Variants in SLC30A5 observed in about 807,000 individuals in gnomAD.
SLC30A5 encodes solute carrier family 30 member 5.
In SLC30A5, 33 loss-of-function variants were observed where a neutral mutation model predicts 79.6. That is an observed-to-expected ratio of 0.41 (90% CI 0.31 to 0.55). SLC30A5 has a LOEUF of 0.55. Among genes scored for constraint, SLC30A5 ranks in the 20% least tolerant of loss-of-function variants. The pLI is 0.20. For missense variants in SLC30A5, 788 were observed against 928.1 expected (o/e 0.85, Z 1.96); for synonymous variants, 299 against 319.7 (o/e 0.94, Z 0.69).
At chr5:69,123,591 G>A (rs1435690418) in intron 14 of SLC30A5, 166 bp downstream of exon 14, 5 of 591,324 alleles carry the variant, frequency 8.5e-6, no homozygotes, top group Admixed American at 6.0e-5. Flanking sequence ...CAAGAAATAT[G>A]CAAGATATAA....
chr5:69,104,294 C>A, intron 3 of SLC30A5: 2 of 495,750 alleles, frequency 4.0e-6, no homozygotes, highest in Admixed American at 4.6e-5. Flanking sequence ...CCCACCACCA[C>A]ACCCAGCTCA....
At chr5:69,095,063 G>A (rs1745682941) in intron 1 of SLC30A5, among the ~76,000 whole-genome samples, 1 of 152,114 alleles carries the variant, frequency 6.6e-6, no homozygotes. Flanking sequence ...CTGCAATTTG[G>A]CTGGAACTGG....
intron 5 of SLC30A5, among the ~76,000 whole-genome samples, chr5:69,110,291 T>C (rs149481182): frequency 7.9e-5 from 12 of 152,304 alleles, no homozygotes; most frequent in Admixed American, 3.9e-4. Flanking sequence ...ACACTTCCTG[T>C]GCATGGTGCA....
intron 5 of SLC30A5, among the ~76,000 whole-genome samples, chr5:69,110,126 C>T (rs352636): frequency 0.67 from 102,317 of 152,050 alleles, 34,950 homozygotes; most frequent in East Asian, 0.86. Context: ...CTCCTCTACA[C>T]TCCCTTGTAT....
At chr5:69,108,960 T>G (rs1025882263) in intron 5 of SLC30A5, among the ~76,000 whole-genome samples, 12 of 152,178 alleles carry the variant, frequency 7.9e-5, no homozygotes, top group Non-Finnish European at 1.5e-5. Flanking sequence ...TTGGAGAAAT[T>G]TCTTAACATG....
intron 3 of SLC30A5, chr5:69,103,898 A>G (rs544237116): frequency 1.8e-5 from 23 of 1,258,252 alleles, no homozygotes; most frequent in Non-Finnish European, 2.4e-5. Context: ...TCAGAGACCA[A>G]GAACATTTTT....
chr5:69,129,461 T>C lies in SLC30A5; in HGVS notation c.2142T>C (p.Leu714=), dbSNP rs1289298416. ...QRIVQQVTGI[L]KDAGVNNLTI... is the part of the protein sequence containing the mutation. ...TTTTATAACAGGTTACAGGAATACT[T>C]AAAGATGCTGGAGTAAACAATTTAA... The change falls in exon 16 of 16, where the codon CTT becomes CTC. Residue 714 remains leucine (L), a synonymous_variant. Transcript: ENST00000396591. The C allele has an allele frequency of 3.7e-6, 6 of 1,611,564 alleles. No homozygotes were observed. Among genetic ancestry groups the C allele is most frequent in the Non-Finnish European group, 5.1e-6 (6 of 1,179,310 alleles).
rs568787544 is a variant in SLC30A5, at chr5:69,095,059, T to G, written c.83+721T>G. Among the ~76,000 whole-genome samples, 5 of 152,284 alleles carry G rather than the reference T, an allele frequency of 3.3e-5. No homozygotes were observed. The South Asian group carries it at 1.0e-3, about 32-fold the overall frequency. Reference sequence around the variant, plus strand: ...AAATGCACAAAATACAGCCCTGCAATTTGGCTGGAACTGGTGTTCTTTGCC... The same window carrying G: ...AAATGCACAAAATACAGCCCTGCAAGTTGGCTGGAACTGGTGTTCTTTGCC... On this transcript the variant is annotated intron_variant, in intron 1 of 15. Transcript: ENST00000396591.
rs922155643 is a variant in SLC30A5 at position 69,130,810 on chromosome 5, GTCTT to G, written c.*1197_*1200del. 9 of 151,916 alleles carry G rather than the reference GTCTT, an allele frequency of 5.9e-5. No homozygotes were observed. The highest frequency in any genetic ancestry group is 8.8e-5 in the Non-Finnish European group (6 of 67,968). 9.4% of individuals were successfully genotyped at this position (151,916 alleles called of 1,614,324 possible). On this transcript the variant is annotated 3_prime_UTR_variant, in exon 16 of 16. Transcript: ENST00000396591. ...GTCCAAAAGAAACTTTTTAATACCTGTCTTTCTATTTATAACATCTGAATATTTT... is the reference window on the plus strand; with the variant it reads ...GTCCAAAAGAAACTTTTTAATACCTGTCTATTTATAACATCTGAATATTTT...
chr5:69,101,610 G>A (rs892458132), intron 2 of SLC30A5, among the ~76,000 whole-genome samples: 2 of 151,170 alleles, frequency 1.3e-5, no homozygotes, highest in African/African-American at 4.9e-5. Flanking sequence ...AGATTTCTTG[G>A]ACCTTGAGAT....
chr5:69,104,387 C>G (rs1580169639), intron 3 of SLC30A5: 1 of 1,002,866 alleles, frequency 1.0e-6, no homozygotes, highest in Middle Eastern at 3.8e-4. Context: ...GGTGATCTGC[C>G]TGCCTCGGCC....
chr5:69,105,290 A>G (rs1458003427), intron 4 of SLC30A5, among the ~76,000 whole-genome samples: 1 of 152,186 alleles, frequency 6.6e-6, no homozygotes, highest in Non-Finnish European at 1.5e-5. Flanking sequence ...CATTGATAGG[A>G]ATTGTATCAT....
chr5:69,115,467 AT>A, intron 8 of SLC30A5, 60 bp downstream of exon 8: 1 of 1,356,980 alleles, frequency 7.4e-7, no homozygotes, highest in Non-Finnish European at 1.0e-6. Context: ...TTGCTATTAA[AT>A]TTTTAGTTCA....
intron 14 of SLC30A5, among the ~76,000 whole-genome samples, chr5:69,126,889 A>G (rs1162626501): frequency 6.6e-6 from 1 of 151,504 alleles, no homozygotes; most frequent in African/African-American, 2.4e-5. Flanking sequence ...AAAAAAAATC[A>G]CATAATTTTA....
intron 8 of SLC30A5, 129 bp downstream of exon 8, chr5:69,115,536 C>A: frequency 4.0e-6 from 3 of 752,272 alleles, no homozygotes; most frequent in South Asian, 2.7e-5. Flanking sequence ...ATTGTCTTTG[C>A]TTTTTCTTTG....
chr5:69,110,753 T>A (rs1488700597), intron 5 of SLC30A5, among the ~76,000 whole-genome samples: 1 of 152,014 alleles, frequency 6.6e-6, no homozygotes, highest in Non-Finnish European at 1.5e-5. Context: ...ACAACAAAAA[T>A]TGCCAGAAAT....
At chr5:69,128,656 T>C (rs781453805) in intron 15 of SLC30A5, among the ~76,000 whole-genome samples, 7 of 152,210 alleles carry the variant, frequency 4.6e-5, no homozygotes, top group Non-Finnish European at 1.0e-4. Flanking sequence ...GTTTTGTGTT[T>C]AGAGGATAAG....
intron 12 of SLC30A5, among the ~76,000 whole-genome samples, chr5:69,120,868 T>C (rs2111989259): frequency 6.6e-6 from 1 of 152,326 alleles, no homozygotes; most frequent in South Asian, 2.1e-4. Flanking sequence ...GTAGGCAAAT[T>C]AACACCCTGA....
Position 69,127,264 on chromosome 5 carries a change from A to G in SLC30A5, c.1999-740A>G, listed in dbSNP as rs570407681. The stretch of plus-strand genomic sequence containing the variant: ...TGAATGTGTCTAGGTCATGATTAGA[A>G]TAGGCAGAGTTGTGCTGTATCAGGG... On this transcript the variant is annotated intron_variant, in intron 14 of 15. Transcript: ENST00000396591. Among the ~76,000 whole-genome samples, 11 of 152,244 alleles carry G rather than the reference A, an allele frequency of 7.2e-5. No homozygotes were observed. In the East Asian group the frequency reaches 1.7e-3, roughly 24 times the overall value.
Sources: gnomAD v4.1 joint callset for allele counts (sites outside exome capture counted in the v4.1 genomes callset) on GRCh38, gnomAD v4.1.1 for gene constraint, MANE v1.5 for transcripts, NCBI Gene and HGNC (gene_info 2026-07-23, HGNC 2026-07-21) for gene names.